DIP2A: variants seen among roughly 807,000 people sequenced by gnomAD.
DIP2A encodes the protein DIP2 acetate--CoA ligase A.
In DIP2A, 85 loss-of-function variants were observed where a neutral mutation model predicts 177.4. The observed-to-expected ratio is 0.48, with a 90% confidence interval of 0.40 to 0.57. The LOEUF is 0.57. DIP2A is among the 20% of genes least tolerant of loss of function. The pLI is 0.00. For synonymous variants in DIP2A, 886 were observed against 881.8 expected, an observed-to-expected ratio of 1.00 and a Z score of -0.08; for missense variants, 1,791 against 2,100.2, an observed-to-expected ratio of 0.85 and a Z score of 2.88.
chr21:46,551,759 CG>C lies in DIP2A; in HGVS notation c.2949+20del, dbSNP rs764459736. The stretch of plus-strand genomic sequence containing the variant: ...GGCACGGAAGGTGACAGGCCAGTTC[CG>C]GGGACGGGTGGACGGGTGTCTGTGC... On this transcript the variant is annotated intron_variant, in intron 24 of 37. Coordinates refer to ENST00000417564, the MANE Select transcript of DIP2A (RefSeq NM_015151.4). The C allele has an allele frequency of 1.7e-5, 28 of 1,613,662 alleles. No homozygotes were observed. In the African/African-American group the frequency reaches 3.6e-4, roughly 21 times the overall value.
At chr21:46,580,134 T>C in the DIP2A span, among the ~76,000 whole-genome samples, 1 of 152,236 alleles carries the variant, frequency 6.6e-6, no homozygotes, top group South Asian at 2.1e-4. Context: ...TGGGTGCTCC[T>C]GTATTGGCTG....
At position 46,458,970 on chromosome 21, in the gene DIP2A, G is replaced by C. The variant is rs1258227821; in HGVS notation, c.-162G>C. 1 of 451,244 alleles carries C rather than the reference G, an allele frequency of 2.2e-6. No homozygotes were observed. Among genetic ancestry groups the C allele is most frequent in the Non-Finnish European group, 3.6e-6 (1 of 277,430 alleles). 28.0% of individuals were successfully genotyped at this position (451,244 alleles called of 1,614,324 possible). ...GCCATCCGCGCTCGTGCCCGCGCGGGTGCGTTGCTGTCCTGGCCGCGCCCC... is the reference window on the plus strand; with the variant it reads ...GCCATCCGCGCTCGTGCCCGCGCGGCTGCGTTGCTGTCCTGGCCGCGCCCC... On this transcript the variant is annotated 5_prime_UTR_variant, in exon 1 of 38. Coordinates refer to ENST00000417564, the MANE Select transcript of DIP2A (RefSeq NM_015151.4).
intron 8 of DIP2A, among the ~76,000 whole-genome samples, chr21:46,527,883 C>T (rs2059170712): frequency 1.3e-5 from 2 of 152,090 alleles, no homozygotes; most frequent in African/African-American, 4.8e-5. Context: ...TCTCAGTCTT[C>T]CTGTCCCATG....
the DIP2A span, among the ~76,000 whole-genome samples, chr21:46,579,029 A>G: frequency 1.3e-5 from 2 of 152,178 alleles, no homozygotes; most frequent in African/African-American, 4.8e-5. Context: ...TTCAGAAGAA[A>G]TGGAACCAGC....
intron 10 of DIP2A, 36 bp from the exon 11 acceptor site, chr21:46,533,488 G>GCACCC: frequency 6.2e-7 from 1 of 1,602,370 alleles, no homozygotes; most frequent in Non-Finnish European, 8.5e-7. Flanking sequence ...GCTGCTGTGA[G>GCACCC]CACCCCACCC....
intron 1 of DIP2A, among the ~76,000 whole-genome samples, chr21:46,475,609 T>G (rs951717502): frequency 6.6e-6 from 1 of 152,262 alleles, no homozygotes; most frequent in African/African-American, 2.4e-5. Flanking sequence ...TGTTTGATTT[T>G]TCTCTAATTG....
chr21:46,536,901 C>A (rs1187643725), intron 13 of DIP2A, among the ~76,000 whole-genome samples: 1 of 132,342 alleles, frequency 7.6e-6, no homozygotes, highest in East Asian at 2.4e-4. Context: ...AAGACTCTGT[C>A]TCAAAAAAAA....
rs935514602 is a variant in DIP2A, at chr21:46,498,117, G to A, written c.404-465G>A. 2.6e-5 allele frequency among the ~76,000 whole-genome samples: 4 copies of A among 152,204 alleles called. No homozygotes were observed. Among genetic ancestry groups the A allele is most frequent in the African/African-American group, 9.7e-5 (4 of 41,438 alleles). The stretch of plus-strand genomic sequence containing the variant: ...GTTCTCCCATGGCCACCATGTTGTT[G>A]CTGGGGCCATGCACAGGCCAGGATG... On this transcript the variant is annotated intron_variant, in intron 4 of 37. Coordinates refer to ENST00000417564, the MANE Select transcript of DIP2A (RefSeq NM_015151.4). The surrounding 1 kb of genome is among the most constrained non-coding windows in gnomAD (Gnocchi z 4.3).
chr21:46,482,606 A>T (rs2056423808), intron 1 of DIP2A, among the ~76,000 whole-genome samples: 1 of 152,066 alleles, frequency 6.6e-6, no homozygotes, highest in East Asian at 1.9e-4. Flanking sequence ...ACCCTTCGTG[A>T]GCTATTTGAG....
intron 23 of DIP2A, among the ~76,000 whole-genome samples, 193 bp from the exon 24 acceptor site, chr21:46,551,441 T>C (rs1464499539): frequency 6.6e-6 from 1 of 151,334 alleles, no homozygotes; most frequent in Admixed American, 6.6e-5. Flanking sequence ...AGGCGTAGTT[T>C]ATGTTCAAGA....
intron 8 of DIP2A, among the ~76,000 whole-genome samples, chr21:46,524,586 G>A (rs543220290): frequency 1.3e-5 from 2 of 152,310 alleles, no homozygotes; most frequent in Admixed American, 6.5e-5. Flanking sequence ...CTTGGACCTT[G>A]TGCAAGAAAG....
In DIP2A at chr21:46,554,891, G is replaced by A. The variant is rs2060407732; in HGVS notation, c.3346G>A (p.Ala1116Thr). The A allele has an allele frequency of 5.2e-6, 8 of 1,552,488 alleles. No individual in the cohort carries two copies. Among genetic ancestry groups the A allele is most frequent in the Non-Finnish European group, 7.0e-6 (8 of 1,148,512 alleles). The change falls in exon 28 of 38, where the codon GCT becomes ACT. Residue 1116 changes from alanine (A) to threonine (T), a missense_variant. By Grantham distance (58) the Ala-to-Thr change is moderately conservative (BLOSUM62 0). Transcript: ENST00000417564. ...GCTGCTCAGGTCCAAGGAGGCTGCT[G>A]CTGCCGTGGACATCAGGACCTGGCC... The part of the protein sequence containing the change: ...TRLLRSKEAA[A>T]AVDIRTWPTI...
chr21:46,541,835 G>C lies in DIP2A; in HGVS notation c.2116G>C (p.Asp706His). 6.2e-7 allele frequency: 1 copy of C among 1,614,020 alleles called. No individual in the cohort carries two copies. The highest frequency in any genetic ancestry group is 1.1e-5 in the South Asian group (1 of 91,088). The change falls in exon 18 of 38, where the codon GAT (aspartate) becomes CAT (histidine). Residue 706 changes from aspartate to histidine, a missense_variant. By Grantham distance (81) the Asp-to-His change is moderately conservative. Coordinates refer to ENST00000417564, the MANE Select transcript of DIP2A (RefSeq NM_015151.4). The stretch of plus-strand genomic sequence containing the variant: ...TCTAAGTTATGGTGTTATCAGAGTG[G>C]ATACTGAAGAAAAGTTGTCAGTCCT... ...NGLSYGVIRVDTEEKLSVLTV... is the reference protein window; with the variant it reads ...NGLSYGVIRVHTEEKLSVLTV...
At chr21:46,558,078 T>C in intron 31 of DIP2A, 145 bp from the exon 32 acceptor site, 3 of 885,372 alleles carry the variant, frequency 3.4e-6, no homozygotes, top group Non-Finnish European at 5.0e-6. Flanking sequence ...CGTAGGATTC[T>C]GTGGAACAGA....
In DIP2A at chr21:46,557,209, G is replaced by T; in HGVS notation, c.3629+140G>T. ...GAGTGGGTTTGTTTGGGGATGAAGT[G>T]GGTTGGAGTCTGAGTCTGAAATTGA... On this transcript the variant is annotated intron_variant, in intron 30 of 37. Coordinates refer to ENST00000417564, the MANE Select transcript of DIP2A (RefSeq NM_015151.4). This position sits in a 1 kb window ranked among gnomAD's most constrained non-coding sequence, Gnocchi z 6.0. 1 of 979,042 alleles carries T rather than the reference G, an allele frequency of 1.0e-6. No individual in the cohort carries two copies. Among genetic ancestry groups the T allele is most frequent in the South Asian group, 1.8e-5 (1 of 55,290 alleles). 60.6% of individuals were successfully genotyped at this position (979,042 alleles called of 1,614,324 possible).
Position 46,520,942 on chromosome 21 carries a change from A to T in DIP2A, c.1103-8150A>T, listed in dbSNP as rs1397341189. Among the ~76,000 whole-genome samples the T allele has an allele frequency of 2.0e-5, 3 of 152,240 alleles. No individual in the cohort carries two copies. In the East Asian group the frequency reaches 5.8e-4, roughly 29 times the overall value. ...AAGATTAATTAGGTCAGGAAAAGGC[A>T]GAATTTAGAGTATGATGTTGGAAAG... On this transcript the variant is annotated intron_variant, in intron 8 of 37. Coordinates refer to ENST00000417564, the MANE Select transcript of DIP2A (RefSeq NM_015151.4).
the DIP2A span, among the ~76,000 whole-genome samples, chr21:46,581,499 G>A: frequency 6.6e-6 from 1 of 152,118 alleles, no homozygotes; most frequent in South Asian, 2.1e-4. Flanking sequence ...CTGGAGAGGT[G>A]TTTCAGTCAT....
chr21:46,539,570 G>A lies in DIP2A; in HGVS notation c.1922-307G>A, dbSNP rs139857908. 2,024 of 399,524 alleles carry A rather than the reference G, an allele frequency of 5.1e-3. 12 individuals carry two copies. The highest frequency in any genetic ancestry group is 7.0e-3 in the Non-Finnish European group (1,465 of 208,216). 24.7% of individuals were successfully genotyped at this position (399,524 alleles called of 1,614,324 possible). A position where few individuals can be genotyped will look rare whatever the true frequency, so the allele number is the denominator to read the frequency against. On this transcript the variant is annotated intron_variant, in intron 16 of 37. Coordinates refer to ENST00000417564, the MANE Select transcript of DIP2A (RefSeq NM_015151.4). ...CTTCCCATGGCACTCCCCTGTTGCT[G>A]CACCTGATCCTTGCAGTGCCGTGCA...
At chr21:46,497,959 C>T (rs931353879) in intron 4 of DIP2A, among the ~76,000 whole-genome samples, 1 of 152,196 alleles carries the variant, frequency 6.6e-6, no homozygotes, top group Non-Finnish European at 1.5e-5. Flanking sequence ...ATGAAACACA[C>T]AGTCATGCTG....
Sources: allele counts gnomAD v4.1 joint callset (sites outside exome capture counted in the v4.1 genomes callset), GRCh38; gene constraint gnomAD v4.1.1; non-coding constraint Gnocchi (gnomAD v3.1); transcripts MANE v1.5; gene names NCBI Gene and HGNC (gene_info 2026-07-23, HGNC 2026-07-21).